Variants in SNRNP70 observed in about 807,000 individuals in gnomAD.
The protein encoded by SNRNP70 is U1 small nuclear ribonucleoprotein 70 kDa.
A neutral mutation model predicts 50.5 loss-of-function variants in SNRNP70; 8 were observed. That is an observed-to-expected ratio of 0.16 (90% CI 0.09 to 0.29). SNRNP70 has a LOEUF of 0.29. Among genes scored for constraint, SNRNP70 ranks in the 10% least tolerant of loss-of-function variants. SNRNP70 has a pLI of 1.00. For missense variants in SNRNP70, 529 were observed against 663.5 expected (o/e 0.80, Z 2.23); for synonymous variants, 320 against 252.9 (o/e 1.27, Z -2.52).
intron 7 of SNRNP70, chr19:49,102,217 GCA>G: frequency 2.3e-6 from 3 of 1,278,702 alleles, no homozygotes; most frequent in Non-Finnish European, 3.1e-6. Flanking sequence ...ACTCAGCACC[GCA>G]CACCAGCCCA....
chr19:49,108,265 A>G lies in SNRNP70; in HGVS notation c.1136A>G (p.Lys379Arg). Residue 379 changes from lysine (K) to arginine (R), a missense_variant, in exon 10 of 10, where the codon AAA (lysine) becomes AGA (arginine). Transcript: ENST00000598441. ...DRDRDRDREHKRGERGSERGR... is the reference protein window; with the variant it reads ...DRDRDRDREHRRGERGSERGR... ...GACCGTGACCGTGACCGCGAGCACA[A>G]ACGGGGGGAGCGGGGCAGTGAGCGG... 6.4e-7 allele frequency: 1 copy of G among 1,554,542 alleles called. No individual in the cohort carries two copies. The highest frequency in any genetic ancestry group is 1.2e-5 in the South Asian group (1 of 84,676).
At position 49,101,245 on chromosome 19, in the gene SNRNP70, G is replaced by A. The variant is rs545700300; in HGVS notation, c.394-145G>A. On this transcript the variant is annotated intron_variant, in intron 6 of 9. Transcript: ENST00000598441. ...TCTGTGTCCTCTGCTCCTGCCATTAGAACATAAGTCACTCAGGGCTCTTGA... is the reference window on the plus strand; with the variant it reads ...TCTGTGTCCTCTGCTCCTGCCATTAAAACATAAGTCACTCAGGGCTCTTGA... The A allele has an allele frequency of 1.1e-5, 7 of 658,702 alleles. No individual in the cohort carries two copies. In the Admixed American group the frequency reaches 1.6e-4, roughly 15 times the overall value. 40.8% of individuals were successfully genotyped at this position (658,702 alleles called of 1,614,324 possible).
chr19:49,095,185 A>G (rs2122338668), intron 4 of SNRNP70, among the ~76,000 whole-genome samples: 1 of 152,324 alleles, frequency 6.6e-6, no homozygotes, highest in Admixed American at 6.5e-5. Flanking sequence ...CGGGTAAGCA[A>G]GTGCTCCAGG....
chr19:49,099,653 T>TG (rs1168638466), intron 6 of SNRNP70, among the ~76,000 whole-genome samples: 1 of 150,616 alleles, frequency 6.6e-6, no homozygotes, highest in Non-Finnish European at 1.5e-5. Context: ...GCAGGAGAAT[T>TG]GCTTGAACCC....
At position 49,104,677 on chromosome 19, in the gene SNRNP70, G is replaced by A. The variant is rs2040641887; in HGVS notation, c.519G>A (p.Arg173=). 1 of 1,561,314 alleles carries A rather than the reference G, an allele frequency of 6.4e-7. No homozygotes were observed. The highest frequency in any genetic ancestry group is 8.7e-7 in the Non-Finnish European group (1 of 1,152,450). ...ATGGCAAGAAGATTGATGGCAGGAG[G>A]GTCCTTGTGGACGTGGAGAGGGGCC... The part of the protein sequence containing the change: ...HADGKKIDGR[R]VLVDVERGRT... The change falls in exon 8 of 10, where the codon AGG becomes AGA. Residue 173 remains arginine (R), a synonymous_variant. Transcript: ENST00000598441. The surrounding 1 kb of genome is among the most constrained non-coding windows in gnomAD (Gnocchi z 5.4).
At chr19:49,101,743 G>C (rs992591295) in intron 7 of SNRNP70, 1 of 481,002 alleles carries the variant, frequency 2.1e-6, no homozygotes, top group South Asian at 2.1e-5. Context: ...GGAACTGGGT[G>C]GGGGGCTGGG....
chr19:49,095,036 G>A (rs945254995), intron 4 of SNRNP70, among the ~76,000 whole-genome samples: 1 of 152,256 alleles, frequency 6.6e-6, no homozygotes, highest in Admixed American at 6.5e-5. Flanking sequence ...GCACGCATAC[G>A]CTGGCTGTGG....
At chr19:49,094,198 T>C (rs554427882) in intron 4 of SNRNP70, among the ~76,000 whole-genome samples, 1 of 152,032 alleles carries the variant, frequency 6.6e-6, no homozygotes, top group African/African-American at 2.4e-5. Flanking sequence ...TGGTGTGCTA[T>C]CTGGAATTTC....
In SNRNP70 at chr19:49,108,577, T is replaced by G; in HGVS notation, c.*134T>G. On this transcript the variant is annotated 3_prime_UTR_variant, in exon 10 of 10. Coordinates refer to ENST00000598441, the MANE Select transcript of SNRNP70 (RefSeq NM_003089.6). ...GTCTCATTTGTTCTGGCCCCTTGGA[T>G]TTAAAAATAAAATTAATTTCCTGTT... 8.4e-7 allele frequency: 1 copy of G among 1,185,020 alleles called. No homozygotes were observed. The highest frequency in any genetic ancestry group is 1.1e-6 in the Non-Finnish European group (1 of 873,110). 73.4% of individuals were successfully genotyped at this position (1,185,020 alleles called of 1,614,324 possible).
At chr19:49,087,704 G>A (rs1259893582) in intron 2 of SNRNP70, 1 of 152,240 alleles carries the variant, frequency 6.6e-6, no homozygotes, top group Non-Finnish European at 1.5e-5. Context: ...CAAGAAGAAC[G>A]TTCTAGCATT....
At chr19:49,088,617 C>A (rs982972449) in intron 2 of SNRNP70, among the ~76,000 whole-genome samples, 3 of 151,776 alleles carry the variant, frequency 2.0e-5, no homozygotes, top group Non-Finnish European at 2.9e-5. Flanking sequence ...CTGCCTCAGC[C>A]TCCTGAGTAG....
chr19:49,108,318 G>C lies in SNRNP70; in HGVS notation c.1189G>C (p.Gly397Arg). ...RGRDEARGGG[G>R]GQDNGLEGLG... ...CAGGGATGAGGCCCGAGGTGGGGGC[G>C]GTGGCCAGGACAACGGGCTGGAGGG... The change falls in exon 10 of 10, where the codon GGT becomes CGT. Residue 397 changes from glycine to arginine, a missense_variant. Physicochemically the swap from Gly to Arg is moderately radical, Grantham distance 125 (BLOSUM62 -2). Coordinates refer to ENST00000598441, the MANE Select transcript of SNRNP70 (RefSeq NM_003089.6). 1 of 1,594,256 alleles carries C rather than the reference G, an allele frequency of 6.3e-7. No individual in the cohort carries two copies. Among genetic ancestry groups the C allele is most frequent in the South Asian group, 1.1e-5 (1 of 88,398 alleles).
chr19:49,104,793 C>A lies in SNRNP70; in HGVS notation c.577+58C>A. ...GGGCCCTGGGCCTGGTGGCCTTGTTCTCCCTTCTCTGCTGCTTTCTGCTTC... is the reference window on the plus strand; with the variant it reads ...GGGCCCTGGGCCTGGTGGCCTTGTTATCCCTTCTCTGCTGCTTTCTGCTTC... On this transcript the variant is annotated intron_variant, in intron 8 of 9. Coordinates refer to ENST00000598441, the MANE Select transcript of SNRNP70 (RefSeq NM_003089.6). This position sits in a 1 kb window ranked among gnomAD's most constrained non-coding sequence, Gnocchi z 5.4. 9.2e-7 allele frequency: 1 copy of A among 1,092,512 alleles called. No homozygotes were observed. The highest frequency in any genetic ancestry group is 1.3e-6 in the Non-Finnish European group (1 of 771,776). The allele number at this position is 1,092,512 out of a possible 1,614,324, so 67.7% of individuals were successfully genotyped here.
chr19:49,106,371 G>C (rs1281984361), intron 8 of SNRNP70, among the ~76,000 whole-genome samples: 2 of 152,194 alleles, frequency 1.3e-5, no homozygotes, highest in Non-Finnish European at 2.9e-5. Flanking sequence ...AAAGTTTGAG[G>C]AAACAGTTTT....
chr19:49,104,668 T>C lies in SNRNP70; in HGVS notation c.510T>C (p.Asp170=). ...AYKHADGKKI[D]GRRVLVDVER... The stretch of plus-strand genomic sequence containing the variant: ...AACACGCAGATGGCAAGAAGATTGA[T>C]GGCAGGAGGGTCCTTGTGGACGTGG... The change falls in exon 8 of 10, where the codon GAT becomes GAC. Residue 170 remains aspartate (D), a synonymous_variant. Transcript: ENST00000598441. The surrounding 1 kb of genome is among the most constrained non-coding windows in gnomAD (Gnocchi z 5.4). The C allele has an allele frequency of 6.4e-7, 1 of 1,560,854 alleles. No individual in the cohort carries two copies. Among genetic ancestry groups the C allele is most frequent in the East Asian group, 2.4e-5 (1 of 42,068 alleles).
intron 7 of SNRNP70, chr19:49,102,004 T>A: frequency 2.2e-6 from 1 of 447,782 alleles, no homozygotes; most frequent in South Asian, 1.6e-5. Flanking sequence ...AAGCCCCCTT[T>A]GAGGCTGCCG....
rs2040684456 is a variant in SNRNP70, at chr19:49,107,323, T to C, written c.578-302T>C. Among the ~76,000 whole-genome samples the C allele has an allele frequency of 1.3e-5, 2 of 152,244 alleles. No homozygotes were observed. The highest frequency in any genetic ancestry group is 4.1e-4 in the South Asian group (2 of 4,826). On this transcript the variant is annotated intron_variant, in intron 8 of 9. Transcript: ENST00000598441. The surrounding 1 kb of genome is among the most constrained non-coding windows in gnomAD (Gnocchi z 6.0). Reference sequence around the variant, plus strand: ...CGGGTTTCTGTGAGGGCGAGGATGATTGGAAGGGAGGGTTTTGAGGAGGCT... The same window carrying C: ...CGGGTTTCTGTGAGGGCGAGGATGACTGGAAGGGAGGGTTTTGAGGAGGCT...
chr19:49,099,586 A>C (rs2040555476), intron 6 of SNRNP70, among the ~76,000 whole-genome samples: 1 of 151,794 alleles, frequency 6.6e-6, no homozygotes, highest in African/African-American at 2.4e-5. Flanking sequence ...AAAAAATACA[A>C]AAATTAGCTG....
intron 2 of SNRNP70, among the ~76,000 whole-genome samples, chr19:49,089,263 T>C (rs555493942): frequency 5.9e-5 from 9 of 152,292 alleles, no homozygotes; most frequent in Admixed American, 3.9e-4. Context: ...GCCAACATGC[T>C]GTCGTGTGCC....
Sources: allele counts gnomAD v4.1 joint callset (sites outside exome capture counted in the v4.1 genomes callset), GRCh38; gene constraint gnomAD v4.1.1; non-coding constraint Gnocchi (gnomAD v3.1); transcripts MANE v1.5; gene names NCBI Gene and HGNC (gene_info 2026-07-23, HGNC 2026-07-21).